The following GMCL1 variants were observed in gnomAD, a reference collection of about 807,000 sequenced individuals.
GMCL1 encodes the protein germ cell-less protein-like 1.
GMCL1 carries 54 observed loss-of-function variants against 75.5 expected under a neutral mutation model. That is an observed-to-expected ratio of 0.71 (90% confidence interval 0.57 to 0.90). The LOEUF is 0.90. Among genes scored for constraint, GMCL1 ranks in the 40% least tolerant of loss-of-function variants. The probability of loss-of-function intolerance (pLI) is 0.00; values close to 1 mark genes in which losing one functional copy is unlikely to be tolerated. For missense variants in GMCL1, 537 were observed against 622.7 expected (o/e 0.86, Z 1.47); for synonymous variants, 210 against 209.6 (o/e 1.00, Z -0.02).
At chr2:69,863,710 C>T (rs1675723771) in intron 10 of GMCL1, among the ~76,000 whole-genome samples, 2 of 152,178 alleles carry the variant, frequency 1.3e-5, no homozygotes, top group Non-Finnish European at 2.9e-5. Flanking sequence ...TTGTTACCTA[C>T]AAGAGCAGTT....
intron 1 of GMCL1, among the ~76,000 whole-genome samples, chr2:69,836,587 G>A (rs1018102762): frequency 2.6e-5 from 4 of 152,128 alleles, no homozygotes; most frequent in East Asian, 3.8e-4. Flanking sequence ...TGTTAAATTC[G>A]CCAATTCAGG....
At chr2:69,858,041 A>G (rs1013532489) in intron 9 of GMCL1, among the ~76,000 whole-genome samples, 1 of 152,164 alleles carries the variant, frequency 6.6e-6, no homozygotes, top group East Asian at 1.9e-4. Context: ...AATTCAATCT[A>G]ATGTATCTCA....
At chr2:69,870,504 A>G (rs1675953306) in intron 12 of GMCL1, among the ~76,000 whole-genome samples, 1 of 152,170 alleles carries the variant, frequency 6.6e-6, no homozygotes, top group Non-Finnish European at 1.5e-5. Flanking sequence ...GAAGCAGTAG[A>G]TAAAATTGGA....
At chr2:69,833,924 TC>T (rs376052667) in intron 1 of GMCL1, among the ~76,000 whole-genome samples, 1 of 152,340 alleles carries the variant, frequency 6.6e-6, no homozygotes, top group African/African-American at 2.4e-5. Context: ...AAATATTGTT[TC>T]AGAAGAGTTA....
chr2:69,874,456 C>A (rs1558553513), intron 13 of GMCL1, among the ~76,000 whole-genome samples: 1 of 152,064 alleles, frequency 6.6e-6, no homozygotes, highest in Admixed American at 6.5e-5. Context: ...ACCATGTTAG[C>A]CAGGCTGGTC....
At chr2:69,870,694 G>T (rs1675959324) in intron 12 of GMCL1, among the ~76,000 whole-genome samples, 1 of 152,072 alleles carries the variant, frequency 6.6e-6, no homozygotes, top group Non-Finnish European at 1.5e-5. Flanking sequence ...GCTCAAAAAT[G>T]GGCCAAAGAC....
Position 69,841,016 on chromosome 2 carries a change from G to T in GMCL1, c.556G>T (p.Ala186Ser), listed in dbSNP as rs1235304969. 6.2e-7 allele frequency: 1 copy of T among 1,613,790 alleles called. No individual in the cohort carries two copies. Among genetic ancestry groups the T allele is most frequent in the African/African-American group, 1.3e-5 (1 of 74,926 alleles). Reference protein sequence around the residue: ...IKPSRVVAILAAACLLQLDGL... With the variant: ...IKPSRVVAILSAACLLQLDGL... Reference sequence around the variant, plus strand: ...GCCCAGTCGAGTTGTTGCCATTTTGGCAGCAGCTTGTTTGCTGCAGTTGGT... The same window carrying T: ...GCCCAGTCGAGTTGTTGCCATTTTGTCAGCAGCTTGTTTGCTGCAGTTGGT... Residue 186 changes from alanine (A) to serine (S), a missense_variant, in exon 4 of 14, where the codon GCA becomes TCA. Ala to Ser is a moderately conservative substitution (Grantham distance 99). Coordinates refer to ENST00000282570, the MANE Select transcript of GMCL1 (RefSeq NM_178439.5).
chr2:69,842,112 C>G (rs1675005924), intron 4 of GMCL1, among the ~76,000 whole-genome samples: 1 of 152,086 alleles, frequency 6.6e-6, no homozygotes. Context: ...GCATTAGAGA[C>G]AAAAACTTGT....
intron 1 of GMCL1, among the ~76,000 whole-genome samples, chr2:69,832,604 A>G (rs1674706341): frequency 1.3e-5 from 2 of 152,354 alleles, no homozygotes; most frequent in South Asian, 2.1e-4. Flanking sequence ...TCTGAATGAT[A>G]TCTTATTTTC....
chr2:69,877,650 C>T lies in GMCL1; in HGVS notation c.1453-1259C>T, dbSNP rs188374170. On this transcript the variant is annotated intron_variant, in intron 13 of 13. Coordinates refer to ENST00000282570, the MANE Select transcript of GMCL1 (RefSeq NM_178439.5). The stretch of plus-strand genomic sequence containing the variant: ...GGTGATGGCCTCCCCTGATTTTGTT[C>T]ACTGATGTCTTTTTATAATACCACT... Among the ~76,000 whole-genome samples, 8 of 152,128 alleles carry T rather than the reference C, an allele frequency of 5.3e-5. No individual in the cohort carries two copies. In the East Asian group the frequency reaches 1.4e-3, roughly 26 times the overall value.
chr2:69,873,117 G>C (rs923930352), intron 13 of GMCL1, among the ~76,000 whole-genome samples: 2 of 152,188 alleles, frequency 1.3e-5, no homozygotes, highest in African/African-American at 4.8e-5. Context: ...ATTGGAGGAG[G>C]AGGAGAAAGA....
At chr2:69,872,737 A>G (rs1676017419) in intron 13 of GMCL1, among the ~76,000 whole-genome samples, 1 of 152,232 alleles carries the variant, frequency 6.6e-6, no homozygotes, top group Admixed American at 6.5e-5. Flanking sequence ...CAGGTATATA[A>G]TGAGAAAGTC....
intron 11 of GMCL1, among the ~76,000 whole-genome samples, chr2:69,867,432 C>T (rs572058835): frequency 6.6e-6 from 1 of 152,258 alleles, no homozygotes; most frequent in South Asian, 2.1e-4. Context: ...TTTCAGGCAT[C>T]CCGTTTTCAG....
chr2:69,844,258 A>T, intron 6 of GMCL1, 62 bp downstream of exon 6: 5 of 956,136 alleles, frequency 5.2e-6, no homozygotes. Flanking sequence ...TCATTTGTTA[A>T]AGTACATAAC....
Position 69,880,053 on chromosome 2 carries a change from A to T in GMCL1, c.*1049A>T, listed in dbSNP as rs1676236945. ...AAGCATTAATGTAAAAATGGAACTT[A>T]TTTTTGTCAAAAATGAGATGTACAC... On this transcript the variant is annotated 3_prime_UTR_variant, in exon 14 of 14. Coordinates refer to ENST00000282570, the MANE Select transcript of GMCL1 (RefSeq NM_178439.5). The T allele has an allele frequency of 6.6e-6, 1 of 152,152 alleles. No homozygotes were observed. Among genetic ancestry groups the T allele is most frequent in the East Asian group, 1.9e-4 (1 of 5,196 alleles). The allele number at this position is 152,152 out of a possible 1,614,324, so 9.4% of individuals were successfully genotyped here.
chr2:69,863,302 A>G (rs573694250), intron 10 of GMCL1, among the ~76,000 whole-genome samples: 2 of 152,302 alleles, frequency 1.3e-5, no homozygotes, highest in South Asian at 2.1e-4. Flanking sequence ...TCAAGGGTCA[A>G]CTGTATATGA....
intron 13 of GMCL1, among the ~76,000 whole-genome samples, chr2:69,877,075 C>G (rs1222283008): frequency 3.9e-5 from 6 of 152,120 alleles, no homozygotes; most frequent in African/African-American, 1.2e-4. Context: ...AAATGGGGAC[C>G]TAGGAAGTTG....
intron 1 of GMCL1, among the ~76,000 whole-genome samples, chr2:69,834,036 A>G (rs756882832): frequency 2.8e-4 from 43 of 152,158 alleles, no homozygotes; most frequent in Non-Finnish European, 5.7e-4. Flanking sequence ...GTCATATGGA[A>G]TCTTTTCTTG....
intron 11 of GMCL1, among the ~76,000 whole-genome samples, chr2:69,867,727 G>A (rs1011038154): frequency 2.0e-5 from 3 of 152,164 alleles, no homozygotes; most frequent in African/African-American, 7.2e-5. Context: ...CATCCAGACA[G>A]ATGAATGTGA....
Sources: gnomAD v4.1 joint callset for allele counts (sites outside exome capture counted in the v4.1 genomes callset) on GRCh38, gnomAD v4.1.1 for gene constraint, MANE v1.5 for transcripts, NCBI Gene and HGNC (gene_info 2026-07-23, HGNC 2026-07-21) for gene names.